The following AMOTL1 variants were observed in gnomAD, a reference collection of about 807,000 sequenced individuals.
AMOTL1 encodes the protein angiomotin like 1, also known as angiomotin-like protein 1.
In AMOTL1, 45 loss-of-function variants were observed where a neutral mutation model predicts 102.9. The observed-to-expected ratio is 0.44, with a 90% CI of 0.34 to 0.56. The LOEUF (loss-of-function observed/expected upper bound fraction) is 0.56, where lower values mean the gene tolerates loss of function less well. Among genes scored for constraint, AMOTL1 ranks in the 20% least tolerant of loss-of-function variants. AMOTL1 has a pLI of 0.01. For missense variants in AMOTL1, 1,114 were observed against 1,225.6 expected (o/e 0.91, Z 1.36); for synonymous variants, 481 against 484.7 (o/e 0.99, Z 0.10).
chr11:94,856,460 G>A (rs1462870731), intron 8 of AMOTL1, among the ~76,000 whole-genome samples: 1 of 152,024 alleles, frequency 6.6e-6, no homozygotes, highest in Non-Finnish European at 1.5e-5. Context: ...CTGGTCTGGG[G>A]GGCAGCTCTG....
rs1952874485 is a variant in AMOTL1, at chr11:94,865,987, T to G, written c.2307T>G (p.Ile769Met). 5 of 1,613,868 alleles carry G rather than the reference T, an allele frequency of 3.1e-6. No individual in the cohort carries two copies. The highest frequency in any genetic ancestry group is 1.7e-5 in the Admixed American group (1 of 60,004). Residue 769 changes from isoleucine to methionine, a missense_variant, in exon 11 of 13, where the codon ATT becomes ATG. Physicochemically the swap from Ile to Met is conservative, Grantham distance 10 (BLOSUM62 1). Transcript: ENST00000433060. ...AAATCATAGAGAAAGATGCTATGAT[T>G]AAGGTCCTGCAGCAGCGATCTCGTA... ...HAKIIEKDAM[I>M]KVLQQRSRKD...
At chr11:94,806,994 T>G (rs1175891270) in intron 3 of AMOTL1, among the ~76,000 whole-genome samples, 2 of 152,238 alleles carry the variant, frequency 1.3e-5, no homozygotes, top group Non-Finnish European at 2.9e-5. Context: ...TCAGTTTCCT[T>G]ATCTGTGAAA....
chr11:94,846,705 G>A (rs1952420274), intron 6 of AMOTL1, among the ~76,000 whole-genome samples: 1 of 152,206 alleles, frequency 6.6e-6, no homozygotes, highest in South Asian at 2.1e-4. Flanking sequence ...TGCTTGGAGA[G>A]GAGGGGCAGT....
At position 94,782,462 on chromosome 11, in the gene AMOTL1, A is replaced by G. The variant is rs532337572; in HGVS notation, c.50-12549A>G. Among the ~76,000 whole-genome samples the G allele has an allele frequency of 5.3e-5, 8 of 152,340 alleles. No homozygotes were observed. In the East Asian group the frequency reaches 1.5e-3, roughly 29 times the overall value. On this transcript the variant is annotated intron_variant, in intron 1 of 12. Transcript: ENST00000433060. ...TACTTGAAATGTTTCAATGTATGGA[A>G]GATCTCTATAATTCATTGAACCATT...
rs924882848 is a variant in AMOTL1, at chr11:94,799,042, G to A, written c.200-348G>A. ...GGCCAAGAAAAGGTGGTTTCTTTTGGTTTGATTTTGGTTTTCTCTTGTATT... is the reference window on the plus strand; with the variant it reads ...GGCCAAGAAAAGGTGGTTTCTTTTGATTTGATTTTGGTTTTCTCTTGTATT... On this transcript the variant is annotated intron_variant, in intron 2 of 12. Coordinates refer to ENST00000433060, the MANE Select transcript of AMOTL1 (RefSeq NM_130847.3). The surrounding 1 kb of genome is among the most constrained non-coding windows in gnomAD (Gnocchi z 4.5). Among the ~76,000 whole-genome samples the A allele has an allele frequency of 6.6e-5, 10 of 152,126 alleles. No individual in the cohort carries two copies. Among genetic ancestry groups the A allele is most frequent in the Admixed American group, 5.2e-4 (8 of 15,274 alleles).
intron 6 of AMOTL1, among the ~76,000 whole-genome samples, chr11:94,845,185 A>C (rs1469372227): frequency 6.6e-6 from 1 of 152,218 alleles, no homozygotes; most frequent in Non-Finnish European, 1.5e-5. Context: ...TAGTGCTCAG[A>C]TAGTAATCAC....
At chr11:94,851,538 A>T (rs535734679) in intron 7 of AMOTL1, among the ~76,000 whole-genome samples, 16 of 152,276 alleles carry the variant, frequency 1.1e-4, no homozygotes, top group South Asian at 4.1e-4. Context: ...TTCAGTTCAG[A>T]TACTGAGAGC....
chr11:94,806,329 T>C (rs1951568264), intron 3 of AMOTL1, among the ~76,000 whole-genome samples: 1 of 152,256 alleles, frequency 6.6e-6, no homozygotes, highest in South Asian at 2.1e-4. Flanking sequence ...GAAGGTTTGA[T>C]GGTCCTGTCT....
Position 94,753,306 on chromosome 11 carries a change from C to T in AMOTL1, c.136+12318C>T, listed in dbSNP as rs5026546. Among the ~76,000 whole-genome samples, 246 of 108,266 alleles carry T rather than the reference C, an allele frequency of 2.3e-3. 4 individuals carry two copies. Among genetic ancestry groups the T allele is most frequent in the East Asian group, 6.4e-3 (15 of 2,362 alleles). The allele number at this position is 108,266 out of a possible 152,430, so 71.0% of individuals were successfully genotyped here. ...TTATTCTCATCCTACTGCTTTCCTGCTTTTTTTTTTTTTTTTTTTCCTGTC... is the reference window on the plus strand; with the variant it reads ...TTATTCTCATCCTACTGCTTTCCTGTTTTTTTTTTTTTTTTTTTTCCTGTC... On this transcript the variant is annotated intron_variant, in intron 3 of 4. Transcript: ENST00000299004.
chr11:94,771,868 A>T (rs1342995608), intron 1 of AMOTL1, among the ~76,000 whole-genome samples: 1 of 152,208 alleles, frequency 6.6e-6, no homozygotes, highest in African/African-American at 2.4e-5. Context: ...GGTGTTGGAA[A>T]TGTATCCCTG....
At chr11:94,742,560 G>A (rs984546757) in intron 3 of AMOTL1, among the ~76,000 whole-genome samples, 4 of 152,170 alleles carry the variant, frequency 2.6e-5, no homozygotes, top group African/African-American at 9.7e-5. Flanking sequence ...CTGCCCCCAT[G>A]AGGCACTGAT....
chr11:94,769,090 C>T (rs1052016608), intron 1 of AMOTL1, among the ~76,000 whole-genome samples: 2 of 152,142 alleles, frequency 1.3e-5, no homozygotes, highest in Admixed American at 6.5e-5. Flanking sequence ...CGCACCCCAG[C>T]CCCAGACGCT....
intron 2 of AMOTL1, among the ~76,000 whole-genome samples, chr11:94,731,629 T>C (rs1351343073): frequency 6.6e-6 from 1 of 152,204 alleles, no homozygotes; most frequent in Non-Finnish European, 1.5e-5. Context: ...CACTAAGCCT[T>C]TTTTGTATAG....
At chr11:94,869,555 G>A in intron 12 of AMOTL1, 82 bp downstream of exon 12, 1 of 1,445,662 alleles carries the variant, frequency 6.9e-7, no homozygotes, top group Non-Finnish European at 9.2e-7. Context: ...AGCTAGAGAG[G>A]AAGCAGGGGC....
intron 3 of AMOTL1, among the ~76,000 whole-genome samples, chr11:94,748,109 A>T (rs1318502293): frequency 6.6e-6 from 1 of 152,194 alleles, no homozygotes; most frequent in Non-Finnish European, 1.5e-5. Flanking sequence ...TGGTCTTGGT[A>T]TTATTTAGGA....
At chr11:94,712,263 T>C (rs1950031934) in intron 1 of AMOTL1, among the ~76,000 whole-genome samples, 1 of 152,026 alleles carries the variant, frequency 6.6e-6, no homozygotes, top group Non-Finnish European at 1.5e-5. Context: ...TTTATGCCTT[T>C]TGCCCCAATA....
chr11:94,732,268 T>C (rs988006948), intron 2 of AMOTL1, among the ~76,000 whole-genome samples: 2 of 152,180 alleles, frequency 1.3e-5, no homozygotes, highest in African/African-American at 4.8e-5. Context: ...GTCTCTGTCA[T>C]CCTGTTGAGT....
chr11:94,769,036 C>G (rs1401373265), intron 1 of AMOTL1, among the ~76,000 whole-genome samples: 3 of 152,084 alleles, frequency 2.0e-5, no homozygotes. Context: ...CCTTTCTGCC[C>G]GCCGGCCAGA....
At chr11:94,816,792 A>C (rs1355141070) in intron 3 of AMOTL1, among the ~76,000 whole-genome samples, 2 of 152,180 alleles carry the variant, frequency 1.3e-5, no homozygotes, top group Non-Finnish European at 2.9e-5. Context: ...GAAGATGCCA[A>C]CCAAAATAAA....
Sources: gnomAD v4.1 joint callset for allele counts (sites outside exome capture counted in the v4.1 genomes callset) on GRCh38, gnomAD v4.1.1 for gene constraint, Gnocchi (gnomAD v3.1) non-coding constraint, MANE v1.5 for transcripts, NCBI Gene and HGNC (gene_info 2026-07-23, HGNC 2026-07-21) for gene names.